The following PRKCA variants were observed in gnomAD, a reference collection of about 807,000 sequenced individuals.
PRKCA encodes protein kinase C alpha.
In PRKCA, 27 loss-of-function variants were observed where a neutral mutation model predicts 87.0. The observed-to-expected ratio is 0.31, with a 90% CI of 0.23 to 0.43. PRKCA has a LOEUF of 0.43. Ranked by LOEUF, PRKCA falls within the 20% of genes least tolerant of loss-of-function variation. The pLI is 1.00. For missense variants in PRKCA, 518 were observed against 852.3 expected (o/e 0.61, Z 4.88); for synonymous variants, 329 against 311.1 (o/e 1.06, Z -0.61).
intron 2 of PRKCA, among the ~76,000 whole-genome samples, chr17:66,414,727 T>C (rs1567817006): frequency 6.6e-6 from 1 of 152,120 alleles, no homozygotes; most frequent in Non-Finnish European, 1.5e-5. Flanking sequence ...TTCAAGCAGA[T>C]GTTATAGTCT....
intron 2 of PRKCA, among the ~76,000 whole-genome samples, chr17:66,384,575 T>A (rs1909945435): frequency 6.6e-6 from 1 of 152,242 alleles, no homozygotes; most frequent in Admixed American, 6.5e-5. Context: ...AGTACGTTTC[T>A]TTAAATATTT....
At chr17:66,344,990 A>G (rs746482417) in intron 2 of PRKCA, among the ~76,000 whole-genome samples, 1 of 152,108 alleles carries the variant, frequency 6.6e-6, no homozygotes, top group Non-Finnish European at 1.5e-5. Flanking sequence ...GAATATACCT[A>G]TTGCAGTATG....
At chr17:66,663,978 G>A (rs140175989) in intron 5 of PRKCA, among the ~76,000 whole-genome samples, 7,794 of 151,370 alleles carry the variant, frequency 0.051, 681 homozygotes, top group African/African-American at 0.18. Flanking sequence ...AGTGATTCTC[G>A]TGGCTCAGCC....
chr17:66,466,066 G>T (rs1042311061), intron 2 of PRKCA, among the ~76,000 whole-genome samples: 1 of 152,176 alleles, frequency 6.6e-6, no homozygotes, highest in African/African-American at 2.4e-5. Context: ...AAACAGAGAA[G>T]CATTTTACAT....
At chr17:66,679,045 A>T (rs1297534237) in intron 5 of PRKCA, among the ~76,000 whole-genome samples, 1 of 152,042 alleles carries the variant, frequency 6.6e-6, no homozygotes, top group Admixed American at 6.6e-5. Context: ...GTCTTCATTG[A>T]TTCAGTCCCT....
At chr17:66,506,751 A>G (rs1734098437) in intron 3 of PRKCA, among the ~76,000 whole-genome samples, 1 of 152,176 alleles carries the variant, frequency 6.6e-6, no homozygotes, top group African/African-American at 2.4e-5. Flanking sequence ...ACTATTTGGA[A>G]TTTAGTTTAA....
At chr17:66,303,110 C>A in intron 1 of PRKCA, 86 bp downstream of exon 1, 1 of 1,516,398 alleles carries the variant, frequency 6.6e-7, no homozygotes, top group East Asian at 2.5e-5. Context: ...CGCCCCGGGG[C>A]TGGCTCACTC....
intron 2 of PRKCA, among the ~76,000 whole-genome samples, chr17:66,447,049 A>C (rs767873081): frequency 1.3e-5 from 2 of 152,204 alleles, no homozygotes; most frequent in Non-Finnish European, 2.9e-5. Context: ...GTAGTTTAGC[A>C]TAGTTCCGGA....
intron 3 of PRKCA, among the ~76,000 whole-genome samples, chr17:66,574,783 G>T (rs540778142): frequency 1.3e-5 from 2 of 151,498 alleles, no homozygotes; most frequent in South Asian, 4.2e-4. Flanking sequence ...TTGGCTAAGG[G>T]ATACCCAACC....
chr17:66,523,672 G>A (rs11659067), intron 3 of PRKCA, among the ~76,000 whole-genome samples: 8,409 of 152,208 alleles, frequency 0.055, 290 homozygotes, highest in South Asian at 0.11. Flanking sequence ...GAGAAAAAGC[G>A]AATGCACCTG....
intron 14 of PRKCA, among the ~76,000 whole-genome samples, chr17:66,782,106 G>A (rs952186661): frequency 6.6e-6 from 1 of 151,916 alleles, no homozygotes; most frequent in African/African-American, 2.4e-5. Context: ...TAGAGATGGG[G>A]TTTCACCATG....
chr17:66,699,210 C>CAAAAAAAAAAAAAAAAAAAAAAAAAAA (rs59337509), intron 8 of PRKCA, among the ~76,000 whole-genome samples: 1 of 105,634 alleles, frequency 9.5e-6, no homozygotes. Flanking sequence ...GACTGTCTCT[C>CAAAAAAAAAAAAAAAAAAAAAAAAAAA]AAAAAAAAAA....
In PRKCA at chr17:66,664,335, C is replaced by T. The variant is rs1164228366; in HGVS notation, c.529+18824C>T. ...CTGTGGCCTGGGCTGCCCTGCCTGC[C>T]CTGAGCCCAGGAGCTGCGTCCCAAG... On this transcript the variant is annotated intron_variant, in intron 5 of 16. Transcript: ENST00000413366. Among the ~76,000 whole-genome samples the T allele has an allele frequency of 7.2e-5, 11 of 152,300 alleles. No homozygotes were observed. The South Asian group carries it at 1.9e-3, about 26-fold the overall frequency.
intron 8 of PRKCA, among the ~76,000 whole-genome samples, chr17:66,727,555 T>G (rs919488101): frequency 7.9e-5 from 12 of 152,212 alleles, no homozygotes; most frequent in African/African-American, 2.9e-4. Context: ...ATCCTGATGT[T>G]TAGGGTCTTG....
chr17:66,555,203 A>G (rs1269053094), intron 3 of PRKCA, among the ~76,000 whole-genome samples: 1 of 152,182 alleles, frequency 6.6e-6, no homozygotes, highest in Non-Finnish European at 1.5e-5. Flanking sequence ...CTTTGAAGGC[A>G]GGTATCGTAT....
At chr17:66,624,321 C>G (rs963634327) in intron 3 of PRKCA, among the ~76,000 whole-genome samples, 3 of 152,088 alleles carry the variant, frequency 2.0e-5, no homozygotes, top group African/African-American at 7.2e-5. Flanking sequence ...ACAGTTTCAT[C>G]TTGGCCAGTT....
chr17:66,716,111 T>C (rs1973466477), intron 8 of PRKCA, among the ~76,000 whole-genome samples: 1 of 152,014 alleles, frequency 6.6e-6, no homozygotes, highest in South Asian at 2.1e-4. Flanking sequence ...TTCAGTCTAT[T>C]CTTGCTTGCA....
In PRKCA at chr17:66,328,144, G is replaced by A. The variant is rs138430571; in HGVS notation, c.205+22017G>A. Among the ~76,000 whole-genome samples the A allele has an allele frequency of 6.6e-4, 100 of 152,232 alleles. 1 individual carries two copies. Among genetic ancestry groups the A allele is most frequent in the East Asian group, 2.1e-3 (11 of 5,170 alleles). ...ACTGCAATCTCAATCTCCTGGGCTC[G>A]GTCCTCCTGCCTCAGCCTCCAGAGT... On this transcript the variant is annotated intron_variant, in intron 2 of 16. Coordinates refer to ENST00000413366, the MANE Select transcript of PRKCA (RefSeq NM_002737.3).
intron 8 of PRKCA, among the ~76,000 whole-genome samples, chr17:66,724,662 C>T (rs1172999859): frequency 2.6e-5 from 4 of 152,262 alleles, no homozygotes; most frequent in Non-Finnish European, 5.9e-5. Context: ...CCCAGCAGGG[C>T]GTCTGGCCAC....
Sources: allele counts gnomAD v4.1 joint callset (sites outside exome capture counted in the v4.1 genomes callset), GRCh38; gene constraint gnomAD v4.1.1; transcripts MANE v1.5; gene names NCBI Gene and HGNC (gene_info 2026-07-23, HGNC 2026-07-21).